Variants in IFT122 observed in about 807,000 individuals in gnomAD.
IFT122 encodes the protein intraflagellar transport protein 122 homolog.
IFT122 carries 118 observed loss-of-function variants against 161.6 expected under a neutral mutation model. That is an observed-to-expected ratio of 0.73 (90% CI 0.63 to 0.85). The LOEUF is 0.85. IFT122 is among the 40% of genes least tolerant of loss of function. The pLI, the probability that IFT122 is intolerant of heterozygous loss-of-function variation, is 0.00. For missense variants in IFT122, 1,381 were observed against 1,579.6 expected (o/e 0.87, Z 2.13); for synonymous variants, 550 against 602.4 (o/e 0.91, Z 1.27).
chr3:129,476,485 G>T lies in IFT122; in HGVS notation c.987G>T (p.Ala329=). 1 of 1,614,140 alleles carries T rather than the reference G, an allele frequency of 6.2e-7. No homozygotes were observed. The highest frequency in any genetic ancestry group is 8.5e-7 in the Non-Finnish European group (1 of 1,180,036). Residue 329 remains alanine (A), a synonymous_variant, in exon 10 of 30, where the codon GCG becomes GCT. Coordinates refer to ENST00000348417, the MANE Select transcript of IFT122 (RefSeq NM_052989.3). ...ACTCCTGGGTGTGGACGTGTCAAGC[G>T]AAACCGGATTCCAACTATGTGGTAA... The part of the protein sequence containing the change: ...EQNSWVWTCQ[A]KPDSNYVVVG...
chr3:129,463,742 C>G (rs2076422358), intron 6 of IFT122, 116 bp downstream of exon 6: 1 of 796,896 alleles, frequency 1.3e-6, no homozygotes, highest in Non-Finnish European at 2.1e-6. Flanking sequence ...GTTTAGGCCC[C>G]TGTATTTCCT....
chr3:129,483,251 A>G (rs1196649582), intron 14 of IFT122, among the ~76,000 whole-genome samples: 3 of 152,182 alleles, frequency 2.0e-5, no homozygotes, highest in African/African-American at 7.2e-5. Flanking sequence ...TTCAAAAGTA[A>G]TACTTGCTTA....
chr3:129,514,477 T>G lies in IFT122; in HGVS notation c.3076T>G (p.Tyr1026Asp), dbSNP rs1184835783. ...RHAYDKLRGL[Y>D]IPARFQKSIE... ...CGCCTATGACAAGCTGCGTGGCCTG[T>G]ACATCCCTGCCAGATTCCAAAAGTC... The change falls in exon 25 of 30, where the codon TAC becomes GAC. Residue 1026 changes from tyrosine to aspartate, a missense_variant. Coordinates refer to ENST00000348417, the MANE Select transcript of IFT122 (RefSeq NM_052989.3). 6.2e-7 allele frequency: 1 copy of G among 1,614,222 alleles called. No individual in the cohort carries two copies.
intron 25 of IFT122, 97 bp downstream of exon 25, chr3:129,514,651 G>A: frequency 2.9e-6 from 4 of 1,386,644 alleles, no homozygotes; most frequent in Non-Finnish European, 4.1e-6. Flanking sequence ...AAGAGAGACA[G>A]CTGCAGCTCC....
At chr3:129,494,005 A>G (rs2080497244) in intron 17 of IFT122, among the ~76,000 whole-genome samples, 1 of 152,222 alleles carries the variant, frequency 6.6e-6, no homozygotes, top group Non-Finnish European at 1.5e-5. Context: ...GGTGCTCAGC[A>G]TAATTCCAGA....
Position 129,478,139 on chromosome 3 carries a change from A to G in IFT122, c.1271A>G (p.Tyr424Cys). 1 of 1,614,188 alleles carries G rather than the reference A, an allele frequency of 6.2e-7. No homozygotes were observed. The highest frequency in any genetic ancestry group is 8.5e-7 in the Non-Finnish European group (1 of 1,180,000). The change falls in exon 12 of 30, where the codon TAC (tyrosine) becomes TGC (cysteine). Residue 424 changes from tyrosine (Y) to cysteine (C), a missense_variant. By Grantham distance (194) the Tyr-to-Cys change is radical (BLOSUM62 -2). Coordinates refer to ENST00000348417, the MANE Select transcript of IFT122 (RefSeq NM_052989.3). ...TCAGAGGACTTATCAGACATGCATTACCGGGTAAAGGAGAAGATTATCAAG... is the reference window on the plus strand; with the variant it reads ...TCAGAGGACTTATCAGACATGCATTGCCGGGTAAAGGAGAAGATTATCAAG... ...LYSEDLSDMH[Y>C]RVKEKIIKKF...
Position 129,451,904 on chromosome 3 carries a change from C to T in IFT122, c.109-10C>T, listed in dbSNP as rs2107928880. ...TCACATAGATAATCTGTATTTGTCT[C>T]TTTTGCCAGGTTTATGACACCTCTG... is the stretch of plus-strand genomic sequence containing the variant. On this transcript the variant is annotated splice_polypyrimidine_tract_variant and intron_variant, in intron 2 of 29. Transcript: ENST00000348417. The T allele has an allele frequency of 6.2e-7, 1 of 1,610,232 alleles. No homozygotes were observed. Among genetic ancestry groups the T allele is most frequent in the Non-Finnish European group, 8.5e-7 (1 of 1,176,468 alleles).
rs973379138 is a variant in IFT122, at chr3:129,506,318, G to T, written c.2651-91G>T. 17 of 1,482,788 alleles carry T rather than the reference G, an allele frequency of 1.1e-5. No homozygotes were observed. The Admixed American group carries it at 2.8e-4, about 25-fold the overall frequency. The allele number at this position is 1,482,788 out of a possible 1,614,324, so 91.9% of individuals were successfully genotyped here. A position where few individuals can be genotyped will look rare whatever the true frequency, so the allele number is the denominator to read the frequency against. On this transcript the variant is annotated intron_variant, in intron 21 of 29. Coordinates refer to ENST00000348417, the MANE Select transcript of IFT122 (RefSeq NM_052989.3). ...CAATGAGTGTCCTACTTCCAAAGCAGCCCTGTGCAAGCCCCACAGAGCTCC... is the reference window on the plus strand; with the variant it reads ...CAATGAGTGTCCTACTTCCAAAGCATCCCTGTGCAAGCCCCACAGAGCTCC...
intron 6 of IFT122, among the ~76,000 whole-genome samples, chr3:129,464,130 G>A (rs1449286732): frequency 3.9e-5 from 6 of 152,302 alleles, no homozygotes; most frequent in East Asian, 1.9e-4. Flanking sequence ...AGTGTAAAGC[G>A]TGCAGGACAG....
At position 129,458,693 on chromosome 3, in the gene IFT122, G is replaced by A; in HGVS notation, c.272+16G>A. ...TGAAGTACACGTAAGTAACTTAGGT[G>A]TACAGTATTATGAGTTTGATGCTTA... On this transcript the variant is annotated intron_variant, in intron 4 of 29. Transcript: ENST00000348417. The A allele has an allele frequency of 1.3e-6, 2 of 1,569,018 alleles. No individual in the cohort carries two copies. Among genetic ancestry groups the A allele is most frequent in the South Asian group, 2.2e-5 (2 of 90,180 alleles).
intron 3 of IFT122, among the ~76,000 whole-genome samples, chr3:129,457,418 C>T (rs545181937): frequency 2.6e-5 from 4 of 152,326 alleles, no homozygotes; most frequent in South Asian, 4.1e-4. Context: ...CCCTTCCCTC[C>T]GTTCCATGAT....
chr3:129,443,918 C>T (rs551097372), intron 1 of IFT122, among the ~76,000 whole-genome samples: 1 of 152,274 alleles, frequency 6.6e-6, no homozygotes, highest in South Asian at 2.1e-4. Flanking sequence ...TAATTCAACC[C>T]AAAATGACCC....
At chr3:129,491,618 A>G (rs748203508) in intron 16 of IFT122, among the ~76,000 whole-genome samples, 1 of 151,848 alleles carries the variant, frequency 6.6e-6, no homozygotes, top group Admixed American at 6.6e-5. Flanking sequence ...CTGTCTTTAT[A>G]CCCTCTCAGC....
intron 15 of IFT122, among the ~76,000 whole-genome samples, chr3:129,484,308 C>T (rs2079024567): frequency 6.6e-6 from 1 of 152,104 alleles, no homozygotes; most frequent in Admixed American, 6.5e-5. Context: ...GCAGATGGTG[C>T]TCACTGTAGA....
chr3:129,517,403 ACCTG>A (rs2084106128), intron 26 of IFT122, 62 bp from the exon 27 acceptor site: 3 of 1,601,294 alleles, frequency 1.9e-6, no homozygotes, highest in Non-Finnish European at 2.6e-6. Context: ...TGGTCACCCC[ACCTG>A]CCTGGCGGCA....
chr3:129,519,655 C>G lies in IFT122; in HGVS notation c.3559C>G (p.Pro1187Ala). 6.2e-7 allele frequency: 1 copy of G among 1,613,606 alleles called. No homozygotes were observed. The highest frequency in any genetic ancestry group is 8.5e-7 in the Non-Finnish European group (1 of 1,180,006). Residue 1187 changes from proline (P) to alanine (A), a missense_variant, in exon 29 of 30, where the codon CCC becomes GCC. Pro to Ala is a conservative substitution (Grantham distance 27). Coordinates refer to ENST00000348417, the MANE Select transcript of IFT122 (RefSeq NM_052989.3). Reference sequence around the variant, plus strand: ...CCGGGATGTCCTCATCAAGCGATGGCCCCCACCCCTGAGGTGGCAATACTT... The same window carrying G: ...CCGGGATGTCCTCATCAAGCGATGGGCCCCACCCCTGAGGTGGCAATACTT... ...SRRDVLIKRW[P>A]PPLRWQYFRS...
chr3:129,441,826 T>C (rs1231165459), intron 1 of IFT122, among the ~76,000 whole-genome samples: 1 of 152,212 alleles, frequency 6.6e-6, no homozygotes, highest in Non-Finnish European at 1.5e-5. Flanking sequence ...TAAAAAATCA[T>C]TTTACTTTTA....
At position 129,507,598 on chromosome 3, in the gene IFT122, C is replaced by T. The variant is rs1202277503; in HGVS notation, c.2792-70C>T. 2.5e-6 allele frequency: 3 copies of T among 1,204,958 alleles called. No homozygotes were observed. The Admixed American group carries it at 5.0e-5, about 20-fold the overall frequency. 74.6% of individuals were successfully genotyped at this position (1,204,958 alleles called of 1,614,324 possible). A position where few individuals can be genotyped will look rare whatever the true frequency, so the allele number is the denominator to read the frequency against. ...GAAAAGTACTGTTGCCTGGCCCCTC[C>T]TCCTGGGGCCAGTTGGCAGCCACAG... is the stretch of plus-strand genomic sequence containing the variant. On this transcript the variant is annotated intron_variant, in intron 22 of 29. Coordinates refer to ENST00000348417, the MANE Select transcript of IFT122 (RefSeq NM_052989.3).
chr3:129,496,963 G>A (rs1419118718), intron 18 of IFT122, among the ~76,000 whole-genome samples: 1 of 152,204 alleles, frequency 6.6e-6, no homozygotes, highest in Non-Finnish European at 1.5e-5. Flanking sequence ...GCCTCCTCAA[G>A]GAGGCAGCTG....
Sources: allele counts gnomAD v4.1 joint callset (sites outside exome capture counted in the v4.1 genomes callset), GRCh38; gene constraint gnomAD v4.1.1; transcripts MANE v1.5; gene names NCBI Gene and HGNC (gene_info 2026-07-23, HGNC 2026-07-21).